POLE: variants seen among roughly 807,000 people sequenced by gnomAD.
POLE encodes DNA polymerase epsilon catalytic subunit A.
Under a neutral mutation model 279.2 loss-of-function variants are expected in POLE, and 188 were observed. The ratio of observed to expected loss-of-function variants is 0.67; its 90% CI spans 0.60 to 0.76. POLE has a LOEUF of 0.76. Ranked by LOEUF, POLE falls within the 30% of genes least tolerant of loss-of-function variation. POLE has a pLI of 0.00. For missense variants in POLE, 2,703 were observed against 3,016.7 expected (o/e 0.90, Z 2.44); for synonymous variants, 1,214 against 1,172.5 (o/e 1.04, Z -0.72).
chr12:132,673,604 T>C lies in POLE; in HGVS notation c.1330A>G (p.Met444Val), dbSNP rs546871889. ...GGCTGCTCCGTGGCCATCCGGCACA[T>C]GTCCTCCGGGTCTAGCTCCACGGGA... Reference protein sequence around the residue: ...YDPVELDPEDMCRMATEQPQT... With the variant: ...YDPVELDPEDVCRMATEQPQT... The change falls in exon 13 of 49, where the codon ATG (methionine) becomes GTG (valine). Residue 444 changes from methionine to valine, a missense_variant. Transcript: ENST00000320574. 2 of 1,613,514 alleles carry C rather than the reference T, an allele frequency of 1.2e-6. No individual in the cohort carries two copies. Among genetic ancestry groups the C allele is most frequent in the South Asian group, 2.2e-5 (2 of 91,088 alleles).
intron 29 of POLE, among the ~76,000 whole-genome samples, chr12:132,656,697 C>T (rs1357313264): frequency 2.0e-5 from 3 of 152,186 alleles, no homozygotes; most frequent in African/African-American, 7.2e-5. Context: ...GTATACTGCT[C>T]TGATTTATAG....
At chr12:132,649,590 GC>G (rs2042372080) in intron 30 of POLE, 75 bp from the exon 31 acceptor site, 3 of 1,595,100 alleles carry the variant, frequency 1.9e-6, no homozygotes, top group Non-Finnish European at 1.7e-6. Flanking sequence ...CTCACAAGCA[GC>G]CTCCCTAGGG....
chr12:132,639,106 A>G lies in POLE; in HGVS notation c.5552+19T>C, dbSNP rs1565932887. The G allele has an allele frequency of 5.6e-6, 9 of 1,612,612 alleles. No individual in the cohort carries two copies. On this transcript the variant is annotated intron_variant, in intron 40 of 48. Coordinates refer to ENST00000320574, the MANE Select transcript of POLE (RefSeq NM_006231.4). The surrounding 1 kb of genome is among the most constrained non-coding windows in gnomAD (Gnocchi z 4.7). ...CAGCTGAGGACGCGGTGGACAGCCC[A>G]GGGAGGAGGAGCACTCACTGCAGGA...
intron 26 of POLE, chr12:132,658,308 G>A (rs753112167): frequency 1.6e-4 from 39 of 249,194 alleles, no homozygotes; most frequent in Non-Finnish European, 2.8e-4. Context: ...AGGCAAACAC[G>A]TGCATGTTCG....
chr12:132,644,066 A>AG lies in POLE; in HGVS notation c.4150-90dup, dbSNP rs5744932. 0.61 allele frequency: 885,524 copies of AG among 1,447,484 alleles called. 278,493 individuals are homozygous for AG. Among genetic ancestry groups the AG allele is most frequent in the African/African-American group, 0.86 (61,485 of 71,604 alleles). The allele number at this position is 1,447,484 out of a possible 1,614,324, so 89.7% of individuals were successfully genotyped here. ...CAAAGCACACGCTATTCGGAGTCCT[A>AG]GACTTCTGGTGCCCCTAGCGACGGG... On this transcript the variant is annotated intron_variant, in intron 32 of 48. Transcript: ENST00000320574.
chr12:132,624,868 G>C, intron 48 of POLE, 37 bp downstream of exon 48: 1 of 1,595,206 alleles, frequency 6.3e-7, no homozygotes. Context: ...AGGCCAAGGA[G>C]GCCAGGCTGA....
Position 132,632,296 on chromosome 12 carries a change from C to A in POLE, c.6330+19G>T, listed in dbSNP as rs5745025. 1.2e-6 allele frequency: 2 copies of A among 1,600,696 alleles called. No homozygotes were observed. The highest frequency in any genetic ancestry group is 1.7e-6 in the Non-Finnish European group (2 of 1,168,498). ...TGTACGTTAGTGTCCTCTCCTCACACGCACGCTGGCACTCTCACCTTGCAC... is the reference window on the plus strand; with the variant it reads ...TGTACGTTAGTGTCCTCTCCTCACAAGCACGCTGGCACTCTCACCTTGCAC... On this transcript the variant is annotated intron_variant, in intron 45 of 48. Coordinates refer to ENST00000320574, the MANE Select transcript of POLE (RefSeq NM_006231.4).
intron 32 of POLE, among the ~76,000 whole-genome samples, chr12:132,645,562 T>C (rs565217328): frequency 6.6e-6 from 1 of 152,302 alleles, no homozygotes; most frequent in South Asian, 2.1e-4. Context: ...AAGGAAGAGC[T>C]TGGGCACTGG....
In POLE at chr12:132,624,646, GGCA is replaced by G; in HGVS notation, c.*48_*50del. ...ACTGGAAGCACGGGGATGTGGCCTT[GGCA>G]TCAGGAGGCCTGGCACGGACGCAGA... is the stretch of plus-strand genomic sequence containing the variant. On this transcript the variant is annotated 3_prime_UTR_variant, in exon 49 of 49. Transcript: ENST00000320574. 1 of 1,002,936 alleles carries G rather than the reference GGCA, an allele frequency of 1.0e-6. No individual in the cohort carries two copies. Among genetic ancestry groups the G allele is most frequent in the Non-Finnish European group, 1.6e-6 (1 of 623,494 alleles). 62.1% of individuals were successfully genotyped at this position (1,002,936 alleles called of 1,614,324 possible). A position where few individuals can be genotyped will look rare whatever the true frequency, so the allele number is the denominator to read the frequency against.
At chr12:132,658,274 T>A (rs1565954555) in intron 26 of POLE, 1 of 295,794 alleles carries the variant, frequency 3.4e-6, no homozygotes, top group Non-Finnish European at 6.5e-6. Flanking sequence ...GCGTTTCTCA[T>A]TGAGTAACCA....
Position 132,657,298 on chromosome 12 carries a change from T to C in POLE, c.3460-40A>G, listed in dbSNP as rs567201985. 1.1e-5 allele frequency: 17 copies of C among 1,614,108 alleles called. No homozygotes were observed. In the Middle Eastern group the frequency reaches 6.6e-4, roughly 63 times the overall value. On this transcript the variant is annotated intron_variant, in intron 28 of 48. Coordinates refer to ENST00000320574, the MANE Select transcript of POLE (RefSeq NM_006231.4). ...CACCCATCAGAGAGAGACCCTTGTC[T>C]AACTGCACAGTTTTTAGCCCCACAG...
chr12:132,650,145 G>A, intron 29 of POLE: 1 of 487,952 alleles, frequency 2.0e-6, no homozygotes, highest in South Asian at 2.3e-5. Context: ...GGAGTTGGAG[G>A]CTGCGGCGAA....
At chr12:132,680,449 A>C (rs1468854367) in intron 3 of POLE, 158 bp downstream of exon 3, 2 of 676,020 alleles carry the variant, frequency 3.0e-6, no homozygotes, top group Non-Finnish European at 5.2e-6. Flanking sequence ...CTCTCTCAGG[A>C]CATCTTACGT....
chr12:132,662,034 GT>G (rs56383933), intron 23 of POLE, among the ~76,000 whole-genome samples: 58 of 152,332 alleles, frequency 3.8e-4, no homozygotes, highest in African/African-American at 1.4e-3. Flanking sequence ...GCTGTTTTGT[GT>G]TGCTTCGTGG....
Position 132,647,694 on chromosome 12 carries a change from T to C in POLE, c.4149+1235A>G, listed in dbSNP as rs2042317374. On this transcript the variant is annotated intron_variant, in intron 32 of 48. Coordinates refer to ENST00000320574, the MANE Select transcript of POLE (RefSeq NM_006231.4). ...CAGAACCTCCCTCGAGATGAGCTGA[T>C]AGTCATAAAGGGAAACATCCCAAAA... 2.0e-5 allele frequency among the ~76,000 whole-genome samples: 3 copies of C among 152,060 alleles called. No homozygotes were observed. In the South Asian group the frequency reaches 6.2e-4, roughly 32 times the overall value.
Position 132,636,012 on chromosome 12 carries a change from C to A in POLE, c.5691G>T (p.Lys1897Asn). Residue 1897 changes from lysine to asparagine, a missense_variant, in exon 42 of 49, where the codon AAG becomes AAT. Physicochemically the swap from Lys to Asn is moderately conservative, Grantham distance 94. Coordinates refer to ENST00000320574, the MANE Select transcript of POLE (RefSeq NM_006231.4). ...VEYITSSIHSKETFHSLTISF... is the reference protein window; with the variant it reads ...VEYITSSIHSNETFHSLTISF... Reference sequence around the variant, plus strand: ...AAATTGTCAGAGAATGGAAGGTCTCCTTTGAATGGATGCTGCAGAGGAAGC... The same window carrying A: ...AAATTGTCAGAGAATGGAAGGTCTCATTTGAATGGATGCTGCAGAGGAAGC... The A allele has an allele frequency of 2.5e-6, 4 of 1,613,540 alleles. No individual in the cohort carries two copies. The South Asian group carries it at 3.3e-5, about 13-fold the overall frequency.
At chr12:132,648,189 CA>C (rs1253557705) in intron 32 of POLE, among the ~76,000 whole-genome samples, 2 of 152,146 alleles carry the variant, frequency 1.3e-5, no homozygotes, top group African/African-American at 4.8e-5. Flanking sequence ...CACAAAGACC[CA>C]CCTACTGTAG....
intron 41 of POLE, among the ~76,000 whole-genome samples, chr12:132,636,815 G>A (rs5744983): frequency 0.16 from 24,322 of 151,982 alleles, 2,083 homozygotes; most frequent in Admixed American, 0.19. Flanking sequence ...AGGAAGGAAG[G>A]AGGAACATCC....
At chr12:132,677,282 A>T in intron 8 of POLE, 81 bp downstream of exon 8, 3 of 957,364 alleles carry the variant, frequency 3.1e-6, no homozygotes, top group Non-Finnish European at 5.1e-6. Context: ...TCTTTGAGTC[A>T]GATTCACTCT....
Sources: allele counts gnomAD v4.1 joint callset (sites outside exome capture counted in the v4.1 genomes callset), GRCh38; gene constraint gnomAD v4.1.1; non-coding constraint Gnocchi (gnomAD v3.1); transcripts MANE v1.5; gene names NCBI Gene and HGNC (gene_info 2026-07-23, HGNC 2026-07-21).